PRRG4: variants seen among roughly 807,000 people sequenced by gnomAD.
The protein encoded by PRRG4 is proline rich and Gla domain 4, also known as transmembrane gamma-carboxyglutamic acid protein 4.
In PRRG4, 12 loss-of-function variants were observed where a neutral mutation model predicts 20.0. The observed-to-expected ratio is 0.60, with a 90% CI of 0.38 to 0.97. The LOEUF (loss-of-function observed/expected upper bound fraction) is 0.97. Among genes scored for constraint, PRRG4 ranks in the 50% least tolerant of loss-of-function variants. The probability of loss-of-function intolerance (pLI) is 0.00; values close to 1 mark genes in which losing one functional copy is unlikely to be tolerated. For missense variants in PRRG4, 199 were observed against 265.1 expected (o/e 0.75, Z 1.73); for synonymous variants, 94 against 96.4 (o/e 0.98, Z 0.15).
At chr11:32,845,984 A>T (rs909668737) in intron 5 of PRRG4, among the ~76,000 whole-genome samples, 1 of 151,906 alleles carries the variant, frequency 6.6e-6, no homozygotes, top group Admixed American at 6.6e-5. Context: ...ATAAAACCCC[A>T]TCTCTACTAA....
At chr11:32,851,266 G>A (rs904134860) in intron 5 of PRRG4, among the ~76,000 whole-genome samples, 1 of 151,914 alleles carries the variant, frequency 6.6e-6, no homozygotes, top group South Asian at 2.1e-4. Context: ...AATGACTGAT[G>A]TAATTATTAC....
intron 5 of PRRG4, among the ~76,000 whole-genome samples, chr11:32,849,939 C>T (rs956322): frequency 0.57 from 87,158 of 152,044 alleles, 25,390 homozygotes; most frequent in South Asian, 0.68. Flanking sequence ...ATTTGTTTAG[C>T]AGACCTCTAT....
At position 32,856,007 on chromosome 11, in the gene PRRG4, GTACATAAT is replaced by G. The variant is rs1851225121; in HGVS notation, c.*2482_*2489del. On this transcript the variant is annotated 3_prime_UTR_variant, in exon 6 of 6. Transcript: ENST00000257836. Reference sequence around the variant, plus strand: ...TCGAATTATGAAATTCAGGGATCTTGTACATAATTCTAAGTTTGGGACAGAAATTTACA... The same window carrying G: ...TCGAATTATGAAATTCAGGGATCTTGTCTAAGTTTGGGACAGAAATTTACA... The G allele has an allele frequency of 6.6e-6, 1 of 152,026 alleles. No individual in the cohort carries two copies. Among genetic ancestry groups the G allele is most frequent in the African/African-American group, 2.4e-5 (1 of 41,384 alleles). 9.4% of individuals were successfully genotyped at this position (152,026 alleles called of 1,614,324 possible).
chr11:32,841,534 C>T (rs749011043), intron 5 of PRRG4, among the ~76,000 whole-genome samples: 11 of 152,112 alleles, frequency 7.2e-5, no homozygotes, highest in East Asian at 3.9e-4. Flanking sequence ...CATGGTGGCT[C>T]ACACCTATAA....
intron 3 of PRRG4, among the ~76,000 whole-genome samples, chr11:32,837,650 C>G (rs968775394): frequency 1.3e-5 from 2 of 151,090 alleles, no homozygotes; most frequent in Admixed American, 6.6e-5. Flanking sequence ...CTCCACCTCC[C>G]GGGTTCAAGC....
rs1190945709 is a variant in PRRG4 at position 32,855,663 on chromosome 11, G to A, written c.*2136G>A. 2.6e-5 allele frequency: 4 copies of A among 152,134 alleles called. No individual in the cohort carries two copies. The highest frequency in any genetic ancestry group is 5.9e-5 in the Non-Finnish European group (4 of 68,024). The allele number at this position is 152,134 out of a possible 1,614,324, so 9.4% of individuals were successfully genotyped here. A position where few individuals can be genotyped will look rare whatever the true frequency, so the allele number is the denominator to read the frequency against. The stretch of plus-strand genomic sequence containing the variant: ...TAGATTCTCAGTCTCTTTGTTGCTT[G>A]TTGCAAATAAATCATCTAGCAACAT... On this transcript the variant is annotated 3_prime_UTR_variant, in exon 6 of 6. Transcript: ENST00000257836.
intron 3 of PRRG4, among the ~76,000 whole-genome samples, chr11:32,837,870 C>T (rs1299503420): frequency 6.6e-6 from 1 of 151,890 alleles, no homozygotes; most frequent in African/African-American, 2.4e-5. Flanking sequence ...AAATTCTTTA[C>T]TTTTGTAGAT....
rs946306395 is a variant in PRRG4, at chr11:32,855,112, A to G, written c.*1585A>G. 6.6e-6 allele frequency: 1 copy of G among 152,250 alleles called. No individual in the cohort carries two copies. The highest frequency in any genetic ancestry group is 2.4e-5 in the African/African-American group (1 of 41,476). The allele number at this position is 152,250 out of a possible 1,614,324, so 9.4% of individuals were successfully genotyped here. On this transcript the variant is annotated 3_prime_UTR_variant, in exon 6 of 6. Coordinates refer to ENST00000257836, the MANE Select transcript of PRRG4 (RefSeq NM_024081.6). ...TAAAATAATATTGATTAATGTTACCAGAAACCTTTTGCATCTCTTAATATG... is the reference window on the plus strand; with the variant it reads ...TAAAATAATATTGATTAATGTTACCGGAAACCTTTTGCATCTCTTAATATG...
At chr11:32,838,742 C>A in intron 3 of PRRG4, 140 bp from the exon 4 acceptor site, 1 of 607,832 alleles carries the variant, frequency 1.6e-6, no homozygotes, top group East Asian at 2.8e-5. Flanking sequence ...GAGTGAGTCA[C>A]ACCCTCCAGC....
At chr11:32,830,275 C>A in intron 1 of PRRG4, 102 bp downstream of exon 1, 1 of 955,522 alleles carries the variant, frequency 1.0e-6, no homozygotes, top group Non-Finnish European at 1.4e-6. Context: ...GGGTTGCCCG[C>A]GGCGACAGGT....
In PRRG4 at chr11:32,853,427, C is replaced by A; in HGVS notation, c.581C>A (p.Ala194Glu). 6.2e-7 allele frequency: 1 copy of A among 1,614,046 alleles called. No homozygotes were observed. Among genetic ancestry groups the A allele is most frequent in the East Asian group, 2.2e-5 (1 of 44,876 alleles). ...AGLPSYEQAV[A>E]LTRKHSVSPP... The stretch of plus-strand genomic sequence containing the variant: ...TTACCTTCTTATGAACAGGCAGTGG[C>A]GCTGACCAGAAAACACAGTGTTTCA... The change falls in exon 6 of 6, where the codon GCG becomes GAG. Residue 194 changes from alanine to glutamate, a missense_variant. Transcript: ENST00000257836.
intron 5 of PRRG4, among the ~76,000 whole-genome samples, chr11:32,853,015 C>T (rs1392018999): frequency 6.9e-6 from 1 of 145,914 alleles, no homozygotes; most frequent in Non-Finnish European, 1.5e-5. Context: ...GTCTTGATCT[C>T]CTGACCTCAT....
In PRRG4 at chr11:32,855,472, C is replaced by T. The variant is rs1028098185; in HGVS notation, c.*1945C>T. 1.3e-5 allele frequency: 2 copies of T among 152,156 alleles called. No individual in the cohort carries two copies. The highest frequency in any genetic ancestry group is 4.8e-5 in the African/African-American group (2 of 41,430). 9.4% of individuals were successfully genotyped at this position (152,156 alleles called of 1,614,324 possible). On this transcript the variant is annotated 3_prime_UTR_variant, in exon 6 of 6. Coordinates refer to ENST00000257836, the MANE Select transcript of PRRG4 (RefSeq NM_024081.6). ...TTTTATAATTTTTACAGGAGTGAGA[C>T]TGCAAACCCACATGTTTGATAGTTC...
chr11:32,830,028 G>T lies in PRRG4; in HGVS notation c.-168G>T, dbSNP rs1470120980. 4 of 985,984 alleles carry T rather than the reference G, an allele frequency of 4.1e-6. No individual in the cohort carries two copies. In the African/African-American group the frequency reaches 5.2e-5, roughly 13 times the overall value. 61.1% of individuals were successfully genotyped at this position (985,984 alleles called of 1,614,324 possible). On this transcript the variant is annotated 5_prime_UTR_variant, in exon 1 of 6. Coordinates refer to ENST00000257836, the MANE Select transcript of PRRG4 (RefSeq NM_024081.6). ...AGGCCCTTCCCAGGTTTGCGCGCGGGGGCCATCCAGACCCTGCGGAGAGCG... is the reference window on the plus strand; with the variant it reads ...AGGCCCTTCCCAGGTTTGCGCGCGGTGGCCATCCAGACCCTGCGGAGAGCG...
chr11:32,848,178 T>C (rs1383688566), intron 5 of PRRG4, among the ~76,000 whole-genome samples: 1 of 152,208 alleles, frequency 6.6e-6, no homozygotes, highest in Non-Finnish European at 1.5e-5. Flanking sequence ...CCTTGAACAC[T>C]GCATCCTCTA....
intron 4 of PRRG4, among the ~76,000 whole-genome samples, chr11:32,839,859 AAT>A (rs1232035223): frequency 2.7e-5 from 4 of 147,114 alleles, no homozygotes; most frequent in Admixed American, 6.8e-5. Context: ...ATATTTAAAA[AAT>A]ATATATATTT....
At chr11:32,849,824 C>A (rs559184394) in intron 5 of PRRG4, among the ~76,000 whole-genome samples, 2 of 152,302 alleles carry the variant, frequency 1.3e-5, no homozygotes, top group South Asian at 4.1e-4. Context: ...TGCTGGAATT[C>A]TTGAAAAGTT....
intron 5 of PRRG4, among the ~76,000 whole-genome samples, chr11:32,852,903 G>A (rs1312698666): frequency 6.7e-6 from 1 of 149,788 alleles, no homozygotes; most frequent in African/African-American, 2.5e-5. Flanking sequence ...CTCCCGAGTA[G>A]CTGAGACTAC....
At chr11:32,837,568 T>TATTATG (rs1489641880) in intron 3 of PRRG4, among the ~76,000 whole-genome samples, 2 of 144,762 alleles carry the variant, frequency 1.4e-5, no homozygotes, top group African/African-American at 5.2e-5. Flanking sequence ...TTATTATTAT[T>TATTATG]ATTATTATTA....
Sources: allele counts gnomAD v4.1 joint callset (sites outside exome capture counted in the v4.1 genomes callset), GRCh38; gene constraint gnomAD v4.1.1; transcripts MANE v1.5; gene names NCBI Gene and HGNC (gene_info 2026-07-23, HGNC 2026-07-21).